TRAPPC9: variants seen among roughly 807,000 people sequenced by gnomAD.
The protein encoded by TRAPPC9 is trafficking protein particle complex subunit 9, also known as IKK2 binding protein.
Under a neutral mutation model 124.0 loss-of-function variants are expected in TRAPPC9, and 83 were observed. The observed-to-expected ratio is 0.67, with a 90% CI of 0.56 to 0.80. The LOEUF (loss-of-function observed/expected upper bound fraction) is 0.80. TRAPPC9 is among the 30% of genes least tolerant of loss of function. The pLI, the probability that TRAPPC9 is intolerant of heterozygous loss-of-function variation, is 0.00. For missense variants in TRAPPC9, 1,302 were observed against 1,508.3 expected (o/e 0.86, Z 2.27); for synonymous variants, 638 against 617.5 (o/e 1.03, Z -0.49).
At chr8:140,151,912 C>A (rs1370292046) in intron 17 of TRAPPC9, among the ~76,000 whole-genome samples, 3 of 152,180 alleles carry the variant, frequency 2.0e-5, no homozygotes, top group Admixed American at 2.0e-4. Context: ...CTGCTCAGCA[C>A]CTCAGCCTCG....
intron 21 of TRAPPC9, among the ~76,000 whole-genome samples, chr8:139,873,360 C>A (rs1317459962): frequency 6.6e-6 from 1 of 152,130 alleles, no homozygotes; most frequent in Non-Finnish European, 1.5e-5. Flanking sequence ...AATAAGTGAA[C>A]ACTCACAAGT....
chr8:140,025,262 G>A (rs1840072270), intron 17 of TRAPPC9, among the ~76,000 whole-genome samples: 2 of 152,230 alleles, frequency 1.3e-5, no homozygotes, highest in Non-Finnish European at 2.9e-5. Context: ...CCCTCCGGAA[G>A]CAGAGGACAC....
intron 21 of TRAPPC9, among the ~76,000 whole-genome samples, chr8:139,754,258 A>G (rs1264975401): frequency 6.6e-6 from 1 of 152,114 alleles, no homozygotes; most frequent in Non-Finnish European, 1.5e-5. Flanking sequence ...GTGACCCCCA[A>G]AGCTCTTTCC....
intron 9 of TRAPPC9, among the ~76,000 whole-genome samples, chr8:140,332,230 C>T (rs567679745): frequency 3.9e-4 from 59 of 152,224 alleles, no homozygotes; most frequent in African/African-American, 1.4e-3. Context: ...ATAAGCCAGG[C>T]ACAGAAAGGC....
intron 21 of TRAPPC9, among the ~76,000 whole-genome samples, chr8:139,826,682 G>A (rs1449870001): frequency 6.6e-6 from 1 of 152,206 alleles, no homozygotes; most frequent in East Asian, 1.9e-4. Flanking sequence ...TCTGGCTCGT[G>A]TGAAAGGCTG....
intron 21 of TRAPPC9, among the ~76,000 whole-genome samples, chr8:139,809,895 C>A (rs555588111): frequency 6.8e-4 from 104 of 152,170 alleles, no homozygotes; most frequent in Non-Finnish European, 1.1e-3. Flanking sequence ...GAGTGACCCC[C>A]CTTCCTCCCG....
intron 17 of TRAPPC9, among the ~76,000 whole-genome samples, chr8:140,142,821 A>C (rs1022752875): frequency 6.6e-6 from 1 of 152,256 alleles, no homozygotes; most frequent in African/African-American, 2.4e-5. Context: ...ATTTGTAAAG[A>C]GGCATAATGA....
chr8:139,803,453 G>A (rs184061412), intron 21 of TRAPPC9, among the ~76,000 whole-genome samples: 15 of 152,310 alleles, frequency 9.8e-5, no homozygotes, highest in Admixed American at 4.6e-4. Context: ...CACCTCATGC[G>A]GGAGCCCACC....
chr8:140,008,031 T>C (rs1380558171), intron 18 of TRAPPC9, among the ~76,000 whole-genome samples: 1 of 152,190 alleles, frequency 6.6e-6, no homozygotes, highest in South Asian at 2.1e-4. Flanking sequence ...AGATAGAATG[T>C]CAACCTGCTC....
intron 21 of TRAPPC9, among the ~76,000 whole-genome samples, chr8:139,860,217 G>A (rs1828039003): frequency 6.6e-6 from 1 of 152,136 alleles, no homozygotes; most frequent in Non-Finnish European, 1.5e-5. Context: ...ATGCACTCTA[G>A]AAAAAAGCCC....
rs542377601 is a variant in TRAPPC9, at chr8:139,833,803, C to A, written c.3055+52076G>T. 4.6e-5 allele frequency among the ~76,000 whole-genome samples: 7 copies of A among 152,276 alleles called. No homozygotes were observed. In the East Asian group the frequency reaches 1.4e-3, roughly 29 times the overall value. The stretch of plus-strand genomic sequence containing the variant: ...GGACTGACTGATTTCAGCTTCCTTC[C>A]GCTTCAGGAGCAGGAGGGGCCGGGA... On this transcript the variant is annotated intron_variant, in intron 21 of 22. Coordinates refer to ENST00000438773, the MANE Select transcript of TRAPPC9 (RefSeq NM_001160372.4).
chr8:140,033,687 T>TTG (rs1563707002), intron 17 of TRAPPC9, among the ~76,000 whole-genome samples: 2 of 119,430 alleles, frequency 1.7e-5, no homozygotes, highest in African/African-American at 7.3e-5. Context: ...TTTTTTTTTT[T>TTG]TTTTTTTTTT....
At chr8:140,287,532 G>A in intron 13 of TRAPPC9, 76 bp downstream of exon 13, 2 of 1,582,308 alleles carry the variant, frequency 1.3e-6, no homozygotes, top group Non-Finnish European at 1.7e-6. Context: ...CGGGCGATCG[G>A]CTCTGGACCT....
rs2071426207 is a variant in TRAPPC9, at chr8:140,450,780, G to A, written c.584+10C>T. 1.9e-6 allele frequency: 3 copies of A among 1,596,780 alleles called. No individual in the cohort carries two copies. The highest frequency in any genetic ancestry group is 2.7e-5 in the African/African-American group (2 of 74,656). ...GAAGCCAAGGGGCCTGGGTCTCTAGGTAAGCTTACCTGCTGTCTGTGTCCA... is the reference window on the plus strand; with the variant it reads ...GAAGCCAAGGGGCCTGGGTCTCTAGATAAGCTTACCTGCTGTCTGTGTCCA... On this transcript the variant is annotated intron_variant, in intron 2 of 22. Coordinates refer to ENST00000438773, the MANE Select transcript of TRAPPC9 (RefSeq NM_001160372.4).
intron 6 of TRAPPC9, among the ~76,000 whole-genome samples, chr8:140,402,422 A>C (rs2069310987): frequency 6.7e-6 from 1 of 149,530 alleles, no homozygotes; most frequent in Non-Finnish European, 1.5e-5. Flanking sequence ...GGGTGGGTGC[A>C]GTGGCTCACG....
chr8:139,997,328 A>C (rs1350374220), intron 18 of TRAPPC9, among the ~76,000 whole-genome samples: 1 of 150,844 alleles, frequency 6.6e-6, no homozygotes, highest in East Asian at 2.0e-4. Context: ...GAGAAAATAC[A>C]TCCTACACAG....
intron 21 of TRAPPC9, among the ~76,000 whole-genome samples, chr8:139,877,399 A>ACCTC (rs1425291227): frequency 6.6e-6 from 1 of 152,108 alleles, no homozygotes; most frequent in Non-Finnish European, 1.5e-5. Flanking sequence ...GTCCAGCCCT[A>ACCTC]CCTCCTGCTC....
chr8:140,307,517 A>G lies in TRAPPC9; in HGVS notation c.1622+3731T>C, dbSNP rs556440425. On this transcript the variant is annotated intron_variant, in intron 10 of 22. Transcript: ENST00000438773. ...GAAGAGAGAAGGACCCAAAATGTCA[A>G]CAAAGATGTCCAGTCAAGTTCCATA... 2.0e-5 allele frequency among the ~76,000 whole-genome samples: 3 copies of G among 152,352 alleles called. No individual in the cohort carries two copies. In the South Asian group the frequency reaches 6.2e-4, roughly 32 times the overall value.
intron 17 of TRAPPC9, among the ~76,000 whole-genome samples, chr8:140,197,818 G>C (rs577512417): frequency 6.6e-6 from 1 of 152,200 alleles, no homozygotes; most frequent in African/African-American, 2.4e-5. Flanking sequence ...GACAAGGGCA[G>C]GGAAGGTGGT....
Sources: gnomAD v4.1 joint callset for allele counts (sites outside exome capture counted in the v4.1 genomes callset) on GRCh38, gnomAD v4.1.1 for gene constraint, MANE v1.5 for transcripts, NCBI Gene and HGNC (gene_info 2026-07-23, HGNC 2026-07-21) for gene names.